CNTN4: variants seen among roughly 807,000 people sequenced by gnomAD.
CNTN4 encodes contactin-4.
CNTN4 carries 77 observed loss-of-function variants against 122.5 expected under a neutral mutation model. The observed-to-expected ratio is 0.63, with a 90% CI of 0.52 to 0.76. The LOEUF (loss-of-function observed/expected upper bound fraction) is 0.76, where lower values mean the gene tolerates loss of function less well. Among genes scored for constraint, CNTN4 ranks in the 30% least tolerant of loss-of-function variants. The pLI, the probability that CNTN4 is intolerant of heterozygous loss-of-function variation, is 0.00. For synonymous variants in CNTN4, 512 were observed against 447.0 expected (o/e 1.15, Z -1.83); for missense variants, 1,256 against 1,259.1 (o/e 1.00, Z 0.04).
At chr3:2,747,245 T>C (rs534448999) in intron 6 of CNTN4, among the ~76,000 whole-genome samples, 1 of 151,630 alleles carries the variant, frequency 6.6e-6, no homozygotes, top group East Asian at 1.9e-4. Context: ...GCGTCTCTAC[T>C]AAAAATACAA....
At chr3:2,120,395 A>ATATT (rs2033675901) in intron 2 of CNTN4, among the ~76,000 whole-genome samples, 6 of 30,640 alleles carry the variant, frequency 2.0e-4, no homozygotes, top group African/African-American at 5.4e-4. Context: ...ATATATATAT[A>ATATT]TATATATATA....
chr3:2,237,278 G>C (rs960452073), intron 2 of CNTN4, among the ~76,000 whole-genome samples: 2 of 152,034 alleles, frequency 1.3e-5, no homozygotes, highest in Non-Finnish European at 2.9e-5. Context: ...GGAGGGATGA[G>C]AGGGAGGCAG....
At chr3:2,654,653 T>C (rs1465288684) in intron 4 of CNTN4, among the ~76,000 whole-genome samples, 1 of 152,202 alleles carries the variant, frequency 6.6e-6, no homozygotes, top group Non-Finnish European at 1.5e-5. Flanking sequence ...AATGTATCTT[T>C]GTTTAGAAAA....
chr3:2,575,302 A>G (rs1303412112), intron 4 of CNTN4, among the ~76,000 whole-genome samples: 1 of 152,118 alleles, frequency 6.6e-6, no homozygotes, highest in Non-Finnish European at 1.5e-5. Context: ...ACTTAAGGCC[A>G]GGAGTTCAAC....
chr3:2,950,903 T>C (rs990557974), intron 13 of CNTN4, among the ~76,000 whole-genome samples: 4 of 152,260 alleles, frequency 2.6e-5, no homozygotes, highest in Non-Finnish European at 5.9e-5. Context: ...TTGCCTATCT[T>C]GATCATTGTC....
At chr3:2,604,171 C>T (rs1428535989) in intron 4 of CNTN4, among the ~76,000 whole-genome samples, 1 of 152,144 alleles carries the variant, frequency 6.6e-6, no homozygotes, top group Non-Finnish European at 1.5e-5. Flanking sequence ...AGAGAGATAT[C>T]ACTAATGACA....
At chr3:2,240,829 CTT>C (rs1485351334) in intron 2 of CNTN4, among the ~76,000 whole-genome samples, 1 of 151,760 alleles carries the variant, frequency 6.6e-6, no homozygotes, top group African/African-American at 2.4e-5. Context: ...CTTTGCATAT[CTT>C]ATTTCTTTTC....
chr3:2,327,976 C>A (rs2043531056), intron 2 of CNTN4, among the ~76,000 whole-genome samples: 1 of 152,308 alleles, frequency 6.6e-6, no homozygotes, highest in East Asian at 1.9e-4. Context: ...TGGAGGAGTC[C>A]TGACTTATAC....
At chr3:2,809,363 G>A (rs1055588346) in intron 6 of CNTN4, among the ~76,000 whole-genome samples, 1 of 152,200 alleles carries the variant, frequency 6.6e-6, no homozygotes, top group African/African-American at 2.4e-5. Flanking sequence ...AAGGACATGG[G>A]TCCTGAGACT....
intron 3 of CNTN4, among the ~76,000 whole-genome samples, chr3:2,529,244 G>C (rs1210581525): frequency 1.3e-5 from 2 of 152,084 alleles, no homozygotes; most frequent in East Asian, 3.9e-4. Context: ...TTAACATAAA[G>C]TCCTCTGGAG....
chr3:2,547,505 A>T (rs1406607604), intron 3 of CNTN4, among the ~76,000 whole-genome samples: 1 of 152,058 alleles, frequency 6.6e-6, no homozygotes, highest in East Asian at 1.9e-4. Flanking sequence ...ACCTCAGGTG[A>T]TCTGCCTACC....
chr3:2,904,471 G>A lies in CNTN4; in HGVS notation c.1207+1466G>A, dbSNP rs373232112. Among the ~76,000 whole-genome samples, 14 of 152,280 alleles carry A rather than the reference G, an allele frequency of 9.2e-5. No individual in the cohort carries two copies. In the South Asian group the frequency reaches 2.5e-3, roughly 27 times the overall value. ...TGACTCAAATCCTATCAAAGATAACGATTGTGAGATTTCATGGGGATGGAG... is the reference window on the plus strand; with the variant it reads ...TGACTCAAATCCTATCAAAGATAACAATTGTGAGATTTCATGGGGATGGAG... On this transcript the variant is annotated intron_variant, in intron 12 of 24. Coordinates refer to ENST00000418658, the MANE Select transcript of CNTN4 (RefSeq NM_175607.3).
rs1433146023 is a variant in CNTN4, at chr3:2,833,570, T to C, written c.454+13989T>C. 2.6e-5 allele frequency among the ~76,000 whole-genome samples: 4 copies of C among 152,120 alleles called. No homozygotes were observed. The South Asian group carries it at 8.3e-4, about 32-fold the overall frequency. Reference sequence around the variant, plus strand: ...TCATCCTTTTAATAGTAAAAACATATTGTACTTTCTCATGTTTGAGCGGAA... The same window carrying C: ...TCATCCTTTTAATAGTAAAAACATACTGTACTTTCTCATGTTTGAGCGGAA... On this transcript the variant is annotated intron_variant, in intron 7 of 24. Transcript: ENST00000418658.
intron 3 of CNTN4, among the ~76,000 whole-genome samples, chr3:2,509,892 C>T (rs1369435515): frequency 6.6e-6 from 1 of 152,106 alleles, no homozygotes; most frequent in African/African-American, 2.4e-5. Flanking sequence ...CCACAAAATC[C>T]CAGAGCTCTT....
intron 7 of CNTN4, among the ~76,000 whole-genome samples, chr3:2,845,071 A>C (rs974707356): frequency 1.2e-4 from 19 of 152,226 alleles, no homozygotes; most frequent in African/African-American, 4.6e-4. Flanking sequence ...ATAAAAATTC[A>C]AAAGGCAAGA....
At chr3:2,813,042 T>C (rs781695564) in intron 6 of CNTN4, among the ~76,000 whole-genome samples, 1 of 152,118 alleles carries the variant, frequency 6.6e-6, no homozygotes, top group Non-Finnish European at 1.5e-5. Flanking sequence ...GTTTTGTAAA[T>C]TTCGATTTAT....
chr3:2,888,561 C>T (rs540613923), intron 10 of CNTN4, among the ~76,000 whole-genome samples: 1 of 152,058 alleles, frequency 6.6e-6, no homozygotes, highest in Non-Finnish European at 1.5e-5. Context: ...TTTTTCATAC[C>T]CGGAACCCAT....
chr3:2,900,723 G>T lies in CNTN4; in HGVS notation c.979G>T (p.Val327Leu), dbSNP rs562479085. Reference sequence around the variant, plus strand: ...GATTCAAAAAATAAATGATATTCACGTGGCCATGGAAGAAAATGTCTTTTG... The same window carrying T: ...GATTCAAAAAATAAATGATATTCACTTGGCCATGGAAGAAAATGTCTTTTG... ...NWIQKINDIH[V>L]AMEENVFWEC... Residue 327 changes from valine to leucine, a missense_variant, in exon 11 of 25, where the codon GTG becomes TTG. Val to Leu is a conservative substitution (Grantham distance 32, BLOSUM62 1). Transcript: ENST00000418658. 3 of 1,613,760 alleles carry T rather than the reference G, an allele frequency of 1.9e-6. No individual in the cohort carries two copies. Among genetic ancestry groups the T allele is most frequent in the Admixed American group, 1.7e-5 (1 of 60,008 alleles).
intron 3 of CNTN4, among the ~76,000 whole-genome samples, chr3:2,387,943 C>G (rs2046308037): frequency 6.6e-6 from 1 of 152,182 alleles, no homozygotes; most frequent in Non-Finnish European, 1.5e-5. Context: ...AGAGTACAGT[C>G]AGCGTCTTGG....
Sources: allele counts gnomAD v4.1 joint callset (sites outside exome capture counted in the v4.1 genomes callset), GRCh38; gene constraint gnomAD v4.1.1; transcripts MANE v1.5; gene names NCBI Gene and HGNC (gene_info 2026-07-23, HGNC 2026-07-21).